ARHGEF28: variants seen among roughly 807,000 people sequenced by gnomAD.
ARHGEF28 encodes the protein 190 kDa guanine nucleotide exchange factor.
Under a neutral mutation model 206.6 loss-of-function variants are expected in ARHGEF28, and 152 were observed. The observed-to-expected ratio is 0.74, with a 90% CI of 0.64 to 0.84. ARHGEF28 has a LOEUF of 0.84. Among genes scored for constraint, ARHGEF28 ranks in the 40% least tolerant of loss-of-function variants. ARHGEF28 has a pLI of 0.00. For synonymous variants in ARHGEF28, 763 were observed against 776.4 expected, an observed-to-expected ratio of 0.98 and a Z score of 0.29; for missense variants, 2,028 against 2,073.2, an observed-to-expected ratio of 0.98 and a Z score of 0.42.
intron 1 of ARHGEF28, among the ~76,000 whole-genome samples, chr5:73,660,722 T>C (rs1450342771): frequency 1.3e-5 from 2 of 152,222 alleles, no homozygotes; most frequent in Non-Finnish European, 2.9e-5. Flanking sequence ...CCATCAGAGC[T>C]CTTGGGTTAC....
At chr5:73,934,931 T>A (rs576993888) in intron 35 of ARHGEF28, among the ~76,000 whole-genome samples, 1 of 152,204 alleles carries the variant, frequency 6.6e-6, no homozygotes, top group Non-Finnish European at 1.5e-5. Flanking sequence ...GTTTGCCCCA[T>A]ACTCCCACGG....
chr5:73,895,438 A>G (rs1761907921), intron 29 of ARHGEF28, among the ~76,000 whole-genome samples: 1 of 152,116 alleles, frequency 6.6e-6, no homozygotes, highest in South Asian at 2.1e-4. Context: ...GAGTGGCTGA[A>G]GGTCTATAGA....
intron 26 of ARHGEF28, 53 bp from the exon 27 acceptor site, chr5:73,891,999 C>A (rs535712792): frequency 7.9e-6 from 12 of 1,512,012 alleles, no homozygotes; most frequent in African/African-American, 1.4e-5. Context: ...TTTTACGGAG[C>A]CTTACTTTAG....
At chr5:73,826,932 T>C (rs1301314769) in intron 9 of ARHGEF28, among the ~76,000 whole-genome samples, 1 of 152,184 alleles carries the variant, frequency 6.6e-6, no homozygotes, top group Non-Finnish European at 1.5e-5. Flanking sequence ...GGGGATCCCC[T>C]TGGAGTTGCT....
At chr5:73,926,140 T>C (rs1432338774) in intron 35 of ARHGEF28, among the ~76,000 whole-genome samples, 1 of 152,170 alleles carries the variant, frequency 6.6e-6, no homozygotes, top group Non-Finnish European at 1.5e-5. Context: ...AGACATTCAG[T>C]GTTTATTGAA....
Position 73,926,360 on chromosome 5 carries a change from A to C in ARHGEF28, c.4949-14484A>C, listed in dbSNP as rs79818867. On this transcript the variant is annotated intron_variant, in intron 35 of 35. Transcript: ENST00000513042. ...CTCGTTTCAGGGTGGCAGCATGTGC[A>C]GGTAAAATCAGGTGTGCAAGTTGAC... Among the ~76,000 whole-genome samples, 143 of 152,286 alleles carry C rather than the reference A, an allele frequency of 9.4e-4. 1 individual carries two copies. The highest frequency in any genetic ancestry group is 3.3e-3 in the African/African-American group (139 of 41,558).
At chr5:73,792,514 T>C (rs1392590889) in intron 7 of ARHGEF28, among the ~76,000 whole-genome samples, 2 of 152,204 alleles carry the variant, frequency 1.3e-5, no homozygotes, top group Non-Finnish European at 2.9e-5. Flanking sequence ...TAATGATCAT[T>C]TAAGAGTTTA....
At chr5:73,692,509 A>G (rs1747895044) in intron 2 of ARHGEF28, among the ~76,000 whole-genome samples, 1 of 151,994 alleles carries the variant, frequency 6.6e-6, no homozygotes, top group African/African-American at 2.4e-5. Flanking sequence ...ATTCTGAGTC[A>G]CTGTCTCCTG....
At chr5:73,696,210 T>C (rs1406889823) in intron 2 of ARHGEF28, among the ~76,000 whole-genome samples, 1 of 152,160 alleles carries the variant, frequency 6.6e-6, no homozygotes, top group Admixed American at 6.6e-5. Context: ...TTCCAGGCAA[T>C]GGCTGTGGTC....
At chr5:73,896,301 C>T (rs1261886189) in intron 29 of ARHGEF28, among the ~76,000 whole-genome samples, 3 of 151,980 alleles carry the variant, frequency 2.0e-5, no homozygotes, top group East Asian at 1.9e-4. Context: ...GTGAGCTTCA[C>T]GTGTTTAAGG....
chr5:73,895,335 T>C (rs1348339047), intron 29 of ARHGEF28, among the ~76,000 whole-genome samples: 1 of 152,132 alleles, frequency 6.6e-6, no homozygotes, highest in East Asian at 1.9e-4. Flanking sequence ...ACTAAGTTTA[T>C]AGAATTGAAA....
At chr5:73,725,622 CT>C (rs1415664858) in intron 2 of ARHGEF28, among the ~76,000 whole-genome samples, 2 of 152,060 alleles carry the variant, frequency 1.3e-5, no homozygotes, top group African/African-American at 4.8e-5. Flanking sequence ...TTTTTATTTT[CT>C]TTTTAATGCT....
chr5:73,714,989 A>G (rs1749491901), intron 2 of ARHGEF28, among the ~76,000 whole-genome samples: 1 of 152,218 alleles, frequency 6.6e-6, no homozygotes, highest in Non-Finnish European at 1.5e-5. Context: ...ATCTTTGATG[A>G]TATCTTTATC....
At chr5:73,901,396 G>T in intron 31 of ARHGEF28, 112 bp downstream of exon 31, 1 of 758,006 alleles carries the variant, frequency 1.3e-6, no homozygotes. Context: ...TTTCTGAATT[G>T]TTCTCAATTG....
rs61331071 is a variant in ARHGEF28 at position 73,728,651 on chromosome 5, C to T, written c.34-21186C>T. On this transcript the variant is annotated intron_variant, in intron 2 of 35. Transcript: ENST00000513042. Reference sequence around the variant, plus strand: ...GTTGTGGCACCCTGTACTAAATACACGGTACTGAATGTTCTGGCCAAAGAG... The same window carrying T: ...GTTGTGGCACCCTGTACTAAATACATGGTACTGAATGTTCTGGCCAAAGAG... Among the ~76,000 whole-genome samples the T allele has an allele frequency of 7.4e-3, 1,128 of 152,232 alleles. 14 individuals carry two copies. Among genetic ancestry groups the T allele is most frequent in the African/African-American group, 0.026 (1,064 of 41,520 alleles).
chr5:73,680,809 G>A (rs1052429202), intron 1 of ARHGEF28, among the ~76,000 whole-genome samples: 1 of 152,002 alleles, frequency 6.6e-6, no homozygotes, highest in Admixed American at 6.6e-5. Context: ...TGCTCTAATA[G>A]ACTTGTTTCT....
At chr5:73,642,642 C>T (rs770988341) in intron 1 of ARHGEF28, among the ~76,000 whole-genome samples, 8 of 151,642 alleles carry the variant, frequency 5.3e-5, no homozygotes, top group East Asian at 1.9e-4. Flanking sequence ...TGTTCTTTAT[C>T]GGCCTTGATT....
chr5:73,786,868 G>T (rs75266699), intron 7 of ARHGEF28, among the ~76,000 whole-genome samples: 1 of 152,148 alleles, frequency 6.6e-6, no homozygotes, highest in East Asian at 1.9e-4. Context: ...TGAGATACCA[G>T]GACCCAGCCA....
Position 73,865,977 on chromosome 5 carries a change from AAAT to A in ARHGEF28, c.2118_2120del (p.Lys706_Tyr707delinsAsn). On this transcript the variant is annotated inframe_deletion, in exon 18 of 36. Coordinates refer to ENST00000513042, the MANE Select transcript of ARHGEF28 (RefSeq NM_001177693.2). Reference sequence around the variant, plus strand: ...TATTCTTTACCAGAAATTCCAAGAGAAATATAACAAGAACAAACCACAGACCAT... The same window carrying A: ...TATTCTTTACCAGAAATTCCAAGAGAATAACAAGAACAAACCACAGACCAT... 1.9e-6 allele frequency: 3 copies of A among 1,601,148 alleles called. No homozygotes were observed. Among genetic ancestry groups the A allele is most frequent in the Non-Finnish European group, 2.6e-6 (3 of 1,171,970 alleles).
Sources: gnomAD v4.1 joint callset for allele counts (sites outside exome capture counted in the v4.1 genomes callset) on GRCh38, gnomAD v4.1.1 for gene constraint, MANE v1.5 for transcripts, NCBI Gene and HGNC (gene_info 2026-07-23, HGNC 2026-07-21) for gene names.